The following KALRN variants were observed in gnomAD, a reference collection of about 807,000 sequenced individuals.
The protein encoded by KALRN is kalirin.
KALRN carries 70 observed loss-of-function variants against 353.7 expected under a neutral mutation model. The ratio of observed to expected loss-of-function variants is 0.20; its 90% CI spans 0.16 to 0.24. The LOEUF (loss-of-function observed/expected upper bound fraction) is 0.24. Ranked by LOEUF, KALRN falls within the 10% of genes least tolerant of loss-of-function variation. The pLI is 1.00. For missense variants in KALRN, 2,791 were observed against 3,756.7 expected (o/e 0.74, Z 6.72); for synonymous variants, 1,391 against 1,434.8 (o/e 0.97, Z 0.69).
Position 124,377,261 on chromosome 3 carries a change from G to A in KALRN, c.1771-7584G>A, listed in dbSNP as rs147030420. On this transcript the variant is annotated intron_variant, in intron 10 of 59. Coordinates refer to ENST00000682506, the MANE Select transcript of KALRN (RefSeq NM_001388419.1). The stretch of plus-strand genomic sequence containing the variant: ...GATAAAGAACCTAACACAATGCATA[G>A]CATACTATGGACACCTGGTTAACTG... Among the ~76,000 whole-genome samples the A allele has an allele frequency of 1.2e-4, 19 of 152,238 alleles. No individual in the cohort carries two copies. The East Asian group carries it at 3.7e-3, about 29-fold the overall frequency.
At chr3:124,640,925 C>T (rs1331979831) in intron 37 of KALRN, among the ~76,000 whole-genome samples, 4 of 152,160 alleles carry the variant, frequency 2.6e-5, no homozygotes, top group African/African-American at 7.2e-5. Context: ...CTTACAGGAG[C>T]ATCTGGTATT....
rs1016937319 is a variant in KALRN, at chr3:124,721,721, G to T, written c.*2251G>T. 2 of 152,264 alleles carry T rather than the reference G, an allele frequency of 1.3e-5. No homozygotes were observed. Among genetic ancestry groups the T allele is most frequent in the Non-Finnish European group, 2.9e-5 (2 of 68,074 alleles). 9.4% of individuals were successfully genotyped at this position (152,264 alleles called of 1,614,324 possible). A position where few individuals can be genotyped will look rare whatever the true frequency, so the allele number is the denominator to read the frequency against. ...GCCTGTGATCCCAGCACTTTGGGAG[G>T]CCGAGGCGGGTGGATCACAAGGTCA... On this transcript the variant is annotated 3_prime_UTR_variant, in exon 60 of 60. Coordinates refer to ENST00000682506, the MANE Select transcript of KALRN (RefSeq NM_001388419.1).
intron 19 of KALRN, among the ~76,000 whole-genome samples, chr3:124,445,012 G>T (rs1316900825): frequency 2.0e-5 from 3 of 152,118 alleles, no homozygotes; most frequent in African/African-American, 7.2e-5. Flanking sequence ...GTAAAGCATA[G>T]AAAGTTGTAC....
chr3:124,184,044 G>A (rs2073929342), intron 1 of KALRN, among the ~76,000 whole-genome samples: 1 of 152,214 alleles, frequency 6.6e-6, no homozygotes, highest in African/African-American at 2.4e-5. Context: ...GAAGTGACAG[G>A]TGAGCTGCTG....
chr3:124,527,103 G>A (rs988430682), intron 33 of KALRN, among the ~76,000 whole-genome samples: 1 of 152,162 alleles, frequency 6.6e-6, no homozygotes, highest in African/African-American at 2.4e-5. Flanking sequence ...AAGGAATGTA[G>A]GGAGTGCAGG....
chr3:124,339,168 C>T (rs1028948687), intron 9 of KALRN, among the ~76,000 whole-genome samples: 5 of 152,152 alleles, frequency 3.3e-5, no homozygotes, highest in South Asian at 2.1e-4. Flanking sequence ...CAGCAAGGTA[C>T]CAGGCAGAGG....
intron 1 of KALRN, among the ~76,000 whole-genome samples, chr3:124,219,523 G>T (rs557769894): frequency 6.6e-6 from 1 of 152,336 alleles, no homozygotes; most frequent in East Asian, 1.9e-4. Context: ...GGTTACAGGA[G>T]ACCTGGTCAG....
At chr3:124,074,450 A>T (rs1187902122) in intron 1 of KALRN, among the ~76,000 whole-genome samples, 1 of 152,200 alleles carries the variant, frequency 6.6e-6, no homozygotes, top group Non-Finnish European at 1.5e-5. Flanking sequence ...CTGTGAGTTA[A>T]ATCTGCATTT....
intron 27 of KALRN, among the ~76,000 whole-genome samples, chr3:124,481,965 G>A (rs150588620): frequency 3.3e-4 from 50 of 152,326 alleles, no homozygotes; most frequent in African/African-American, 1.2e-3. Flanking sequence ...TGAGGGGAGG[G>A]AGAAAAATAT....
intron 27 of KALRN, among the ~76,000 whole-genome samples, chr3:124,477,617 G>A (rs190021390): frequency 1.3e-5 from 2 of 152,280 alleles, no homozygotes; most frequent in Admixed American, 1.3e-4. Context: ...GGGCCACTAT[G>A]ATGCAGTTGT....
chr3:124,545,015 G>T (rs2069473062), intron 33 of KALRN, among the ~76,000 whole-genome samples: 1 of 152,128 alleles, frequency 6.6e-6, no homozygotes, highest in African/African-American at 2.4e-5. Flanking sequence ...GAGGATGTTT[G>T]TGAAGGAGTT....
chr3:124,294,182 C>T (rs1052040183), intron 5 of KALRN, among the ~76,000 whole-genome samples: 5 of 151,940 alleles, frequency 3.3e-5, no homozygotes, highest in Admixed American at 6.6e-5. Context: ...GATTATTACA[C>T]GGACATCTAC....
chr3:124,339,529 G>C (rs1364193812), intron 9 of KALRN, among the ~76,000 whole-genome samples: 1 of 152,196 alleles, frequency 6.6e-6, no homozygotes, highest in African/African-American at 2.4e-5. Flanking sequence ...ATGCTCTCCA[G>C]TTGCAGCCGA....
At chr3:124,603,691 G>A (rs747390747) in intron 34 of KALRN, among the ~76,000 whole-genome samples, 5 of 152,152 alleles carry the variant, frequency 3.3e-5, no homozygotes, top group Non-Finnish European at 5.9e-5. Context: ...TATTAAAAAT[G>A]TGTGTCCTTG....
chr3:124,724,095 A>G lies in KALRN; in HGVS notation c.*4625A>G, dbSNP rs747204943. Reference sequence around the variant, plus strand: ...GCATATTTGCTATCCCATAACCTCCATGATTAGAGCCCACGAGTTAGGCAT... The same window carrying G: ...GCATATTTGCTATCCCATAACCTCCGTGATTAGAGCCCACGAGTTAGGCAT... On this transcript the variant is annotated 3_prime_UTR_variant, in exon 60 of 60. Transcript: ENST00000682506. 8.6e-5 allele frequency: 13 copies of G among 151,074 alleles called. No individual in the cohort carries two copies. Among genetic ancestry groups the G allele is most frequent in the Non-Finnish European group, 1.5e-4 (10 of 67,894 alleles). 9.4% of individuals were successfully genotyped at this position (151,074 alleles called of 1,614,324 possible).
chr3:124,676,130 C>G (rs918620330), intron 49 of KALRN, among the ~76,000 whole-genome samples: 17 of 152,176 alleles, frequency 1.1e-4, no homozygotes, highest in Non-Finnish European at 2.9e-5. Flanking sequence ...CTCTAAATAT[C>G]CAGGCACTAA....
rs373728019 is a variant in KALRN at position 124,636,855 on chromosome 3, G to A, written c.5569-353G>A. ...GCAGCTGTGTAGTGGCCAAAGTCTC[G>A]TTTGCCCACAGAGCAGTAGCCCCCG... is the stretch of plus-strand genomic sequence containing the variant. On this transcript the variant is annotated intron_variant, in intron 36 of 59. Transcript: ENST00000682506. Among the ~76,000 whole-genome samples, 35 of 152,258 alleles carry A rather than the reference G, an allele frequency of 2.3e-4. No individual in the cohort carries two copies. The East Asian group carries it at 5.2e-3, about 23-fold the overall frequency.
intron 3 of KALRN, among the ~76,000 whole-genome samples, chr3:124,248,548 T>A (rs1383558451): frequency 6.6e-6 from 1 of 152,148 alleles, no homozygotes; most frequent in Non-Finnish European, 1.5e-5. Context: ...CAGCCCCATT[T>A]CTCCTGGAAC....
chr3:124,559,256 A>G (rs2071647000), intron 33 of KALRN, among the ~76,000 whole-genome samples: 2 of 152,176 alleles, frequency 1.3e-5, no homozygotes, highest in Admixed American at 6.5e-5. Context: ...GTGTCCACCC[A>G]GGGATTGGTC....
Sources: allele counts gnomAD v4.1 joint callset (sites outside exome capture counted in the v4.1 genomes callset), GRCh38; gene constraint gnomAD v4.1.1; transcripts MANE v1.5; gene names NCBI Gene and HGNC (gene_info 2026-07-23, HGNC 2026-07-21).